SLC30A10: variants seen among roughly 807,000 people sequenced by gnomAD.
SLC30A10 encodes calcium/manganese antiporter SLC30A10.
In SLC30A10, 8 loss-of-function variants were observed where a neutral mutation model predicts 21.7. The ratio of observed to expected loss-of-function variants is 0.37; its 90% CI spans 0.22 to 0.67. The LOEUF is 0.67. Among genes scored for constraint, SLC30A10 ranks in the 30% least tolerant of loss-of-function variants. The probability of loss-of-function intolerance (pLI) is 0.58; values close to 1 mark genes in which losing one functional copy is unlikely to be tolerated. For synonymous variants in SLC30A10, 272 were observed against 279.4 expected, an observed-to-expected ratio of 0.97 and a Z score of 0.26; for missense variants, 521 against 642.5, an observed-to-expected ratio of 0.81 and a Z score of 2.04.
At chr1:219,928,593 C>G, upstream of SLC30A10, 3 of 561,662 alleles carry the variant, frequency 5.3e-6, no homozygotes, top group South Asian at 2.6e-5. The surrounding 1 kb of genome is among the most constrained non-coding windows in gnomAD (Gnocchi z 6.3). Flanking sequence ...TTTTATAACG[C>G]GAGGCCGAGC....
chr1:219,923,693 C>A (rs1659750026), intron 2 of SLC30A10, among the ~76,000 whole-genome samples: 1 of 152,226 alleles, frequency 6.6e-6, no homozygotes, highest in Non-Finnish European at 1.5e-5. Context: ...CACTACAAAG[C>A]ACATTGATGA....
intron 2 of SLC30A10, among the ~76,000 whole-genome samples, chr1:219,923,072 C>T (rs922416188): frequency 2.0e-5 from 3 of 152,124 alleles, no homozygotes; most frequent in Admixed American, 6.6e-5. Flanking sequence ...AAGAGAAGGG[C>T]AGAAATGTCT....
In SLC30A10 at chr1:219,915,365, T is replaced by C. The variant is rs1486940178; in HGVS notation, c.*84A>G. On this transcript the variant is annotated 3_prime_UTR_variant, in exon 4 of 4. Coordinates refer to ENST00000366926, the MANE Select transcript of SLC30A10 (RefSeq NM_018713.3). ...GCATGCTGCAAGTCTAGTCTGGGCC[T>C]ACAACCCAGAAAGCTCTTTTTGTGA... 3 of 1,519,636 alleles carry C rather than the reference T, an allele frequency of 2.0e-6. No individual in the cohort carries two copies. 94.1% of individuals were successfully genotyped at this position (1,519,636 alleles called of 1,614,324 possible).
intron 1 of SLC30A10, among the ~76,000 whole-genome samples, chr1:219,954,588 G>A (rs766974551): frequency 2.1e-5 from 3 of 146,190 alleles, no homozygotes; most frequent in African/African-American, 7.5e-5. Flanking sequence ...GCCGAGGCAC[G>A]AGAATTGCTT....
intron 1 of SLC30A10, among the ~76,000 whole-genome samples, chr1:219,946,918 A>G (rs1364966210): frequency 6.6e-6 from 1 of 152,162 alleles, no homozygotes; most frequent in African/African-American, 2.4e-5. Flanking sequence ...GAAGTTGTTT[A>G]TTGGCCCCCA....
upstream of SLC30A10, among the ~76,000 whole-genome samples, chr1:219,932,136 T>C (rs113640071): frequency 0.03 from 4,504 of 151,206 alleles, 240 homozygotes; most frequent in African/African-American, 0.1. Context: ...TGATCTCAGC[T>C]CATTGCACAC....
intron 1 of SLC30A10, among the ~76,000 whole-genome samples, chr1:219,943,609 C>T (rs80063376): frequency 0.042 from 6,433 of 152,204 alleles, 329 homozygotes; most frequent in African/African-American, 0.13. Context: ...AAAAAAGACA[C>T]TGACATTGAG....
intron 1 of SLC30A10, among the ~76,000 whole-genome samples, chr1:219,954,365 A>G (rs1449419088): frequency 6.6e-6 from 1 of 151,848 alleles, no homozygotes; most frequent in Non-Finnish European, 1.5e-5. Flanking sequence ...GAGAGAGAGA[A>G]AGCAAGCACA....
In SLC30A10 at chr1:219,925,408, C is replaced by T. The variant is rs894277306; in HGVS notation, c.718+1620G>A. Among the ~76,000 whole-genome samples the T allele has an allele frequency of 2.0e-5, 3 of 151,168 alleles. No homozygotes were observed. The East Asian group carries it at 6.0e-4, about 30-fold the overall frequency. ...AATCAGCCAGGCGTGGTGGTGCGCA[C>T]CTGTAATCCCAGCTACTTGGGAGGC... On this transcript the variant is annotated intron_variant, in intron 2 of 3. Coordinates refer to ENST00000366926, the MANE Select transcript of SLC30A10 (RefSeq NM_018713.3).
rs568503755 is a variant in SLC30A10 at position 219,950,593 on chromosome 1, C to T, written n.80+7975G>A. ...GGCAGAGTTTACAGTGAGCCAAGAT[C>T]GTGCCACTGCACTCCAGCCTGGGCA... On this transcript the variant is annotated intron_variant and non_coding_transcript_variant, in intron 1 of 8. Coordinates refer to the SLC30A10 transcript ENST00000484239. Among the ~76,000 whole-genome samples, 34 of 151,186 alleles carry T rather than the reference C, an allele frequency of 2.2e-4. No homozygotes were observed. The East Asian group carries it at 5.5e-3, about 24-fold the overall frequency.
chr1:219,916,572 A>G (rs1258133719), intron 3 of SLC30A10, among the ~76,000 whole-genome samples: 29 of 152,250 alleles, frequency 1.9e-4, no homozygotes. Context: ...TTCTTTTTAC[A>G]CCGCATATAG....
At position 219,911,701 on chromosome 1, in the gene SLC30A10, T is replaced by C. The variant is rs1659419507; in HGVS notation, c.*3748A>G. Among the ~76,000 whole-genome samples the C allele has an allele frequency of 6.6e-6, 1 of 152,174 alleles. No homozygotes were observed. ...TAGGCTGGTCTTGCCTTTAAAAATA[T>C]GTTTTTAAAGAGCAAATTCTGCAGA... On this transcript the variant is annotated 3_prime_UTR_variant, in exon 4 of 4. Transcript: ENST00000366926.
chr1:219,923,712 A>G (rs1230620185), intron 2 of SLC30A10, among the ~76,000 whole-genome samples: 1 of 152,262 alleles, frequency 6.6e-6, no homozygotes, highest in Non-Finnish European at 1.5e-5. Context: ...GAGCATTTTA[A>G]GAGGATTGTG....
chr1:219,953,464 CACAA>C (rs1660299118), intron 1 of SLC30A10, among the ~76,000 whole-genome samples: 1 of 151,584 alleles, frequency 6.6e-6, no homozygotes, highest in African/African-American at 2.4e-5. Context: ...GGTGTGGTGG[CACAA>C]GCCTGTAATC....
At chr1:219,923,934 G>A (rs141943374) in intron 2 of SLC30A10, among the ~76,000 whole-genome samples, 11 of 152,210 alleles carry the variant, frequency 7.2e-5, no homozygotes, top group South Asian at 4.2e-4. Context: ...GCAGTGGCGC[G>A]CGCCTGTAAT....
chr1:219,952,268 A>C (rs911787667), intron 1 of SLC30A10, among the ~76,000 whole-genome samples: 7 of 152,168 alleles, frequency 4.6e-5, no homozygotes, highest in African/African-American at 1.7e-4. Flanking sequence ...AAATAATATA[A>C]TTTCATTCTT....
Position 219,918,762 on chromosome 1 carries a change from C to T in SLC30A10, c.719-268G>A. On this transcript the variant is annotated intron_variant, in intron 2 of 3. Transcript: ENST00000366926. The surrounding 1 kb of genome is among the most constrained non-coding windows in gnomAD (Gnocchi z 4.4). ...TGCAGGAAGAGCGACTGTGCCGTCTCACTGGGCCACATCGCTACCACTCAC... is the reference window on the plus strand; with the variant it reads ...TGCAGGAAGAGCGACTGTGCCGTCTTACTGGGCCACATCGCTACCACTCAC... 2.8e-6 allele frequency: 1 copy of T among 355,272 alleles called. No individual in the cohort carries two copies. The allele number at this position is 355,272 out of a possible 1,614,324, so 22.0% of individuals were successfully genotyped here. A position where few individuals can be genotyped will look rare whatever the true frequency, so the allele number is the denominator to read the frequency against.
Position 219,928,480 on chromosome 1 carries a change from G to A in SLC30A10, c.-40C>T. ...CGGGCGCCCGGCGCCGCCCAGGGGAGCGCAGCCCACCCCGCGCGCAGCCAC... is the reference window on the plus strand; with the variant it reads ...CGGGCGCCCGGCGCCGCCCAGGGGAACGCAGCCCACCCCGCGCGCAGCCAC... On this transcript the variant is annotated 5_prime_UTR_variant, in exon 1 of 4. Coordinates refer to ENST00000366926, the MANE Select transcript of SLC30A10 (RefSeq NM_018713.3). This position sits in a 1 kb window ranked among gnomAD's most constrained non-coding sequence, Gnocchi z 6.3. 2 of 1,497,104 alleles carry A rather than the reference G, an allele frequency of 1.3e-6. No individual in the cohort carries two copies. Among genetic ancestry groups the A allele is most frequent in the Non-Finnish European group, 1.8e-6 (2 of 1,129,640 alleles). The allele number at this position is 1,497,104 out of a possible 1,614,324, so 92.7% of individuals were successfully genotyped here.
chr1:219,935,814 C>A (rs1431473023), intron 1 of SLC30A10, among the ~76,000 whole-genome samples: 1 of 152,074 alleles, frequency 6.6e-6, no homozygotes, highest in Admixed American at 6.5e-5. Flanking sequence ...TCATGTATGT[C>A]CCCTTAATCC....
Sources: gnomAD v4.1 joint callset for allele counts (sites outside exome capture counted in the v4.1 genomes callset) on GRCh38, gnomAD v4.1.1 for gene constraint, Gnocchi (gnomAD v3.1) non-coding constraint, MANE v1.5 for transcripts, NCBI Gene and HGNC (gene_info 2026-07-23, HGNC 2026-07-21) for gene names.